The following DLG2 variants were observed in gnomAD, a reference collection of about 807,000 sequenced individuals.
DLG2 encodes disks large homolog 2.
Under a neutral mutation model 132.5 loss-of-function variants are expected in DLG2, and 45 were observed. The observed-to-expected ratio is 0.34, with a 90% CI of 0.27 to 0.44. The LOEUF (loss-of-function observed/expected upper bound fraction) is 0.44, where lower values mean the gene tolerates loss of function less well. Ranked by LOEUF, DLG2 falls within the 20% of genes least tolerant of loss-of-function variation. DLG2 has a pLI of 1.00. For missense variants in DLG2, 1,045 were observed against 1,196.9 expected (o/e 0.87, Z 1.87); for synonymous variants, 424 against 419.6 (o/e 1.01, Z -0.13).
At chr11:85,047,077 G>A (rs572321871) in intron 6 of DLG2, among the ~76,000 whole-genome samples, 3 of 151,872 alleles carry the variant, frequency 2.0e-5, no homozygotes, top group African/African-American at 7.2e-5. Flanking sequence ...ACAAATGTAG[G>A]TGAGTTCTAT....
chr11:85,233,498 G>A (rs17810291), intron 4 of DLG2, among the ~76,000 whole-genome samples: 10,159 of 151,846 alleles, frequency 0.067, 382 homozygotes, highest in East Asian at 0.096. Context: ...AAGAAGAAAA[G>A]CATAAGGCTA....
intron 19 of DLG2, among the ~76,000 whole-genome samples, chr11:83,591,344 A>G (rs1199078206): frequency 1.3e-4 from 16 of 123,854 alleles, no homozygotes; most frequent in Admixed American, 4.6e-4. Flanking sequence ...AATATACGCA[A>G]ATCAATAAAT....
chr11:83,923,001 T>C (rs956582090), intron 15 of DLG2, among the ~76,000 whole-genome samples: 10 of 152,068 alleles, frequency 6.6e-5, no homozygotes, highest in African/African-American at 2.2e-4. Context: ...ATTAGACACA[T>C]GCTGCCATTT....
rs976019804 is a variant in DLG2 at position 84,230,071 on chromosome 11, A to G, written c.573+21167T>C. On this transcript the variant is annotated intron_variant, in intron 8 of 27. Coordinates refer to ENST00000376104, the MANE Select transcript of DLG2 (RefSeq NM_001142699.3). ...CTCCACATGTGAAGCTTTGCAAGTT[A>G]TAATTTTTCAAGCCAATGAACTTAA... 5.9e-5 allele frequency among the ~76,000 whole-genome samples: 9 copies of G among 152,210 alleles called. 1 individual carries two copies. Among genetic ancestry groups the G allele is most frequent in the Admixed American group, 3.3e-4 (5 of 15,274 alleles).
chr11:84,212,592 T>C (rs1419373338), intron 8 of DLG2, among the ~76,000 whole-genome samples: 1 of 152,230 alleles, frequency 6.6e-6, no homozygotes, highest in African/African-American at 2.4e-5. Flanking sequence ...GTTTTCGTAA[T>C]TGACTTGAAA....
chr11:85,092,920 C>A (rs146294942), intron 6 of DLG2, among the ~76,000 whole-genome samples: 1 of 152,150 alleles, frequency 6.6e-6, no homozygotes, highest in Non-Finnish European at 1.5e-5. Context: ...GGATTACAGG[C>A]GTGCACCACT....
chr11:84,172,335 T>G (rs1265394271), intron 8 of DLG2, among the ~76,000 whole-genome samples: 1 of 152,120 alleles, frequency 6.6e-6, no homozygotes, highest in Admixed American at 6.6e-5. Context: ...ATATTCTTAG[T>G]TAAGATTCTG....
At chr11:84,605,965 C>A (rs1391524489) in intron 6 of DLG2, among the ~76,000 whole-genome samples, 1 of 152,026 alleles carries the variant, frequency 6.6e-6, no homozygotes, top group African/African-American at 2.4e-5. Flanking sequence ...TCATAACTGA[C>A]CTCTTTTTTG....
chr11:83,475,163 G>A (rs375418280), intron 22 of DLG2, among the ~76,000 whole-genome samples: 1 of 152,118 alleles, frequency 6.6e-6, no homozygotes, highest in Non-Finnish European at 1.5e-5. Flanking sequence ...GGGGAAACCC[G>A]TGGAGGTGGG....
In DLG2 at chr11:85,032,891, G is replaced by A. The variant is rs1008999160; in HGVS notation, c.357+78770C>T. 7.2e-5 allele frequency among the ~76,000 whole-genome samples: 11 copies of A among 152,224 alleles called. No individual in the cohort carries two copies. In the South Asian group the frequency reaches 8.3e-4, roughly 11 times the overall value. Reference sequence around the variant, plus strand: ...AGAGATGCCTCAAAAGCCTACTCTTGTTCAAACTCCTTACAGGCTATTTCT... The same window carrying A: ...AGAGATGCCTCAAAAGCCTACTCTTATTCAAACTCCTTACAGGCTATTTCT... On this transcript the variant is annotated intron_variant, in intron 6 of 27. Coordinates refer to ENST00000376104, the MANE Select transcript of DLG2 (RefSeq NM_001142699.3).
intron 7 of DLG2, among the ~76,000 whole-genome samples, chr11:84,471,522 A>ACT (rs1464386693): frequency 1.3e-5 from 2 of 151,310 alleles, no homozygotes; most frequent in Non-Finnish European, 3.0e-5. Flanking sequence ...GCTCTGGAAT[A>ACT]CTCTCCTATT....
At chr11:83,797,605 G>C (rs1015150161) in intron 17 of DLG2, among the ~76,000 whole-genome samples, 1 of 151,436 alleles carries the variant, frequency 6.6e-6, no homozygotes, top group African/African-American at 2.4e-5. Context: ...TGCAAGCTTC[G>C]CCTTCTGGGT....
intron 7 of DLG2, among the ~76,000 whole-genome samples, chr11:84,324,003 G>A (rs1040985300): frequency 6.6e-6 from 1 of 151,960 alleles, no homozygotes; most frequent in East Asian, 1.9e-4. Flanking sequence ...ATCCCATTGT[G>A]TAGGTTACCT....
intron 4 of DLG2, among the ~76,000 whole-genome samples, chr11:85,262,439 A>C (rs1480992230): frequency 6.6e-6 from 1 of 152,170 alleles, no homozygotes; most frequent in Non-Finnish European, 1.5e-5. Context: ...GGATTAAACA[A>C]GTTTATTGGA....
At chr11:83,532,671 C>T (rs1468981378) in intron 21 of DLG2, 37 bp downstream of exon 21, 2 of 1,586,368 alleles carry the variant, frequency 1.3e-6, no homozygotes, top group East Asian at 4.5e-5. Context: ...TCCATGGCAA[C>T]TGAGAGAACT....
chr11:84,407,919 G>C (rs951952989), intron 7 of DLG2, among the ~76,000 whole-genome samples: 1 of 152,108 alleles, frequency 6.6e-6, no homozygotes, highest in Non-Finnish European at 1.5e-5. Context: ...AAGGATCATA[G>C]AATCACTTGT....
At chr11:83,480,386 C>A in intron 22 of DLG2, 1 of 1,535,438 alleles carries the variant, frequency 6.5e-7, no homozygotes, top group East Asian at 2.4e-5. Flanking sequence ...GCTACTTTCG[C>A]TATCGCTGGC....
At chr11:85,360,893 C>A (rs2084091224) in intron 3 of DLG2, among the ~76,000 whole-genome samples, 1 of 152,040 alleles carries the variant, frequency 6.6e-6, no homozygotes, top group Non-Finnish European at 1.5e-5. Context: ...GCCAAGGTCA[C>A]CAACTTATAA....
At chr11:83,586,182 G>A (rs1249711374) in intron 19 of DLG2, among the ~76,000 whole-genome samples, 1 of 152,222 alleles carries the variant, frequency 6.6e-6, no homozygotes, top group Non-Finnish European at 1.5e-5. Context: ...TGGGGCATGG[G>A]CATTGCCCAG....
Sources: allele counts gnomAD v4.1 joint callset (sites outside exome capture counted in the v4.1 genomes callset), GRCh38; gene constraint gnomAD v4.1.1; transcripts MANE v1.5; gene names NCBI Gene and HGNC (gene_info 2026-07-23, HGNC 2026-07-21).